OLFM3: variants seen among roughly 807,000 people sequenced by gnomAD.
OLFM3 encodes olfactomedin 3, also known as noelin-3.
OLFM3 carries 20 observed loss-of-function variants against 48.6 expected under a neutral mutation model. That is an observed-to-expected ratio of 0.41 (90% CI 0.29 to 0.60). OLFM3 has a LOEUF of 0.60. OLFM3 is among the 20% of genes least tolerant of loss of function. OLFM3 has a pLI of 0.28. For missense variants in OLFM3, 437 were observed against 544.3 expected (o/e 0.80, Z 1.96); for synonymous variants, 222 against 198.1 (o/e 1.12, Z -1.01).
intron 1 of OLFM3, among the ~76,000 whole-genome samples, chr1:101,838,457 G>T (rs1010293999): frequency 6.6e-6 from 1 of 152,116 alleles, no homozygotes; most frequent in Admixed American, 6.6e-5. Flanking sequence ...TCATTTTTCA[G>T]CAAGAACATC....
At chr1:101,981,874 G>A (rs1661115217) in intron 1 of OLFM3, among the ~76,000 whole-genome samples, 1 of 151,942 alleles carries the variant, frequency 6.6e-6, no homozygotes, top group African/African-American at 2.4e-5. Context: ...GTAAAATAAT[G>A]AAAGAAAGAA....
chr1:101,925,357 A>C (rs1469108831), intron 1 of OLFM3, among the ~76,000 whole-genome samples: 1 of 151,958 alleles, frequency 6.6e-6, no homozygotes, highest in African/African-American at 2.4e-5. Context: ...TGTCTTTAAG[A>C]AGCAGTATCA....
chr1:101,832,794 T>G (rs557283220), intron 2 of OLFM3, among the ~76,000 whole-genome samples: 1 of 152,362 alleles, frequency 6.6e-6, no homozygotes, highest in Non-Finnish European at 1.5e-5. Flanking sequence ...ATTATAGGAA[T>G]GTAAGTATTT....
intron 4 of OLFM3, among the ~76,000 whole-genome samples, chr1:101,808,222 T>C (rs1653874073): frequency 6.6e-6 from 1 of 151,472 alleles, no homozygotes; most frequent in African/African-American, 2.4e-5. Context: ...TCATTTTCTA[T>C]GATCTCATTA....
intron 1 of OLFM3, among the ~76,000 whole-genome samples, chr1:101,941,612 G>C (rs1016405387): frequency 6.6e-6 from 1 of 152,148 alleles, no homozygotes; most frequent in Non-Finnish European, 1.5e-5. Flanking sequence ...GGGAAATCTA[G>C]AGACATCACA....
rs190341470 is a variant in OLFM3 at position 101,958,974 on chromosome 1, C to A, written c.69+37774G>T. Among the ~76,000 whole-genome samples, 293 of 151,998 alleles carry A rather than the reference C, an allele frequency of 1.9e-3. 2 individuals are homozygous for A. The highest frequency in any genetic ancestry group is 6.7e-3 in the African/African-American group (280 of 41,488). On this transcript the variant is annotated intron_variant, in intron 1 of 5. Transcript: ENST00000370103. Reference sequence around the variant, plus strand: ...TACATTATTAACTATAGTCACCATGCTGTACAATAGATTTGCAGAACTTAT... The same window carrying A: ...TACATTATTAACTATAGTCACCATGATGTACAATAGATTTGCAGAACTTAT...
At chr1:101,824,332 G>T (rs1654743432) in intron 4 of OLFM3, among the ~76,000 whole-genome samples, 1 of 152,078 alleles carries the variant, frequency 6.6e-6, no homozygotes, top group Non-Finnish European at 1.5e-5. Context: ...CTAGTCCCAT[G>T]TTGACTTCAG....
intron 1 of OLFM3, among the ~76,000 whole-genome samples, chr1:101,885,709 C>G (rs1657726100): frequency 1.3e-5 from 2 of 152,070 alleles, no homozygotes; most frequent in Non-Finnish European, 2.9e-5. Flanking sequence ...TTTCTTTTCT[C>G]CAGCTTACTT....
At chr1:101,841,167 C>A (rs11164308) in intron 1 of OLFM3, among the ~76,000 whole-genome samples, 30,203 of 152,076 alleles carry the variant, frequency 0.2, 3,812 homozygotes, top group East Asian at 0.41. Flanking sequence ...GATCTTGAGG[C>A]TTGACAAGTA....
At chr1:101,967,086 T>A (rs1660634160) in intron 1 of OLFM3, among the ~76,000 whole-genome samples, 1 of 152,196 alleles carries the variant, frequency 6.6e-6, no homozygotes, top group African/African-American at 2.4e-5. Context: ...CCAGGCTGTA[T>A]ATTGACCTTC....
chr1:101,905,078 T>C (rs972514632), intron 1 of OLFM3, among the ~76,000 whole-genome samples: 2 of 152,182 alleles, frequency 1.3e-5, no homozygotes, highest in Admixed American at 1.3e-4. Context: ...AAGGATTTGA[T>C]AGATGTGTAC....
intron 1 of OLFM3, among the ~76,000 whole-genome samples, chr1:101,972,213 TTTCTG>T (rs1660823605): frequency 6.6e-6 from 1 of 152,210 alleles, no homozygotes; most frequent in South Asian, 2.1e-4. Flanking sequence ...AGATTGAATG[TTTCTG>T]TCCCATTAGG....
At chr1:101,964,857 G>T (rs546403692) in intron 1 of OLFM3, among the ~76,000 whole-genome samples, 31 of 152,222 alleles carry the variant, frequency 2.0e-4, no homozygotes, top group Non-Finnish European at 4.1e-4. Flanking sequence ...TAGAAACTGG[G>T]TTAGATGAAA....
At chr1:101,855,023 A>C (rs919875663) in intron 1 of OLFM3, among the ~76,000 whole-genome samples, 3 of 152,134 alleles carry the variant, frequency 2.0e-5, no homozygotes, top group Admixed American at 1.3e-4. Flanking sequence ...GCATAAGCAC[A>C]AATGTTAGTG....
intron 3 of OLFM3, among the ~76,000 whole-genome samples, chr1:101,827,159 A>C (rs1000490453): frequency 1.3e-5 from 2 of 152,232 alleles, no homozygotes; most frequent in South Asian, 2.1e-4. Context: ...CTGCTTTTAC[A>C]TCCAAGTTCT....
At chr1:101,840,926 C>G (rs1655688515) in intron 1 of OLFM3, among the ~76,000 whole-genome samples, 1 of 152,118 alleles carries the variant, frequency 6.6e-6, no homozygotes, top group Non-Finnish European at 1.5e-5. Flanking sequence ...CTCTTTGAAC[C>G]TTTCGTGTTA....
At chr1:101,953,979 T>C (rs1660218575) in intron 1 of OLFM3, among the ~76,000 whole-genome samples, 2 of 152,120 alleles carry the variant, frequency 1.3e-5, no homozygotes, top group Non-Finnish European at 2.9e-5. Flanking sequence ...GCTAAGAATG[T>C]AAGGAAAATT....
chr1:101,853,153 C>T (rs1656288102), intron 1 of OLFM3, among the ~76,000 whole-genome samples: 2 of 152,020 alleles, frequency 1.3e-5, no homozygotes, highest in East Asian at 3.9e-4. Flanking sequence ...ATAATCTGGC[C>T]TCCTCTTATC....
chr1:101,829,424 T>G (rs897827616), intron 3 of OLFM3, among the ~76,000 whole-genome samples: 18 of 152,332 alleles, frequency 1.2e-4, no homozygotes, highest in Admixed American at 1.0e-3. Context: ...TTTCTTGCCC[T>G]CTTTTTCTTC....
Sources: allele counts gnomAD v4.1 joint callset (sites outside exome capture counted in the v4.1 genomes callset), GRCh38; gene constraint gnomAD v4.1.1; transcripts MANE v1.5; gene names NCBI Gene and HGNC (gene_info 2026-07-23, HGNC 2026-07-21).